PALM2AKAP2: variants seen among roughly 807,000 people sequenced by gnomAD.
The protein encoded by PALM2AKAP2 is PALM2 and AKAP2 fusion, also known as PALM2-AKAP2 fusion protein.
PALM2AKAP2 carries 37 observed loss-of-function variants against 71.5 expected under a neutral mutation model. The ratio of observed to expected loss-of-function variants is 0.52; its 90% CI spans 0.40 to 0.68. PALM2AKAP2 has a LOEUF of 0.68. Among genes scored for constraint, PALM2AKAP2 ranks in the 30% least tolerant of loss-of-function variants. PALM2AKAP2 has a pLI of 0.00. For missense variants in PALM2AKAP2, 1,224 were observed against 1,191.8 expected (o/e 1.03, Z -0.40); for synonymous variants, 468 against 478.8 (o/e 0.98, Z 0.29).
intron 6 of PALM2AKAP2, among the ~76,000 whole-genome samples, chr9:109,989,367 T>C (rs920290298): frequency 6.6e-6 from 1 of 152,156 alleles, no homozygotes; most frequent in Non-Finnish European, 1.5e-5. Flanking sequence ...CTCCAGAGGA[T>C]GGTGCAGTAA....
intron 2 of PALM2AKAP2, among the ~76,000 whole-genome samples, chr9:110,143,432 AGGAG>A (rs1836086317): frequency 6.7e-6 from 1 of 149,592 alleles, no homozygotes; most frequent in African/African-American, 2.5e-5. Flanking sequence ...AAAAAAAAAA[AGGAG>A]AGAGAGAGAA....
At position 110,137,765 on chromosome 9, in the gene PALM2AKAP2, AC is replaced by A; in HGVS notation, c.1797del (p.Asn600MetfsTer72). The stretch of plus-strand genomic sequence containing the variant: ...TGACAGCGGGGCATCCAATGAGACA[AC>A]CAATGCCCTCCAGGAAAATTCACTG... On this transcript the variant is annotated frameshift_variant, in exon 2 of 4. Transcript: ENST00000374525. LOFTEE classifies it high-confidence loss of function. 6.2e-7 allele frequency: 1 copy of A among 1,614,188 alleles called. No homozygotes were observed. Among genetic ancestry groups the A allele is most frequent in the Non-Finnish European group, 8.5e-7 (1 of 1,180,034 alleles).
chr9:109,813,559 G>T (rs563624399), intron 1 of PALM2AKAP2, among the ~76,000 whole-genome samples: 2 of 152,254 alleles, frequency 1.3e-5, no homozygotes, highest in African/African-American at 4.8e-5. Flanking sequence ...ATGAGAAATG[G>T]TAAGAAGATA....
At chr9:109,817,805 C>A (rs761691516) in intron 1 of PALM2AKAP2, among the ~76,000 whole-genome samples, 1 of 152,140 alleles carries the variant, frequency 6.6e-6, no homozygotes, top group Non-Finnish European at 1.5e-5. Context: ...ATGTTCCTGG[C>A]CCCCTCCCTC....
At position 109,880,620 on chromosome 9, in the gene PALM2AKAP2, AG is replaced by A. The variant is rs767420590; in HGVS notation, c.198del (p.Arg67GlyfsTer28). On this transcript the variant is annotated frameshift_variant, in exon 3 of 10. Coordinates refer to the PALM2AKAP2 transcript ENST00000302798. LOFTEE classifies it high-confidence loss of function. ...TGGAACTGCCGAAGAGGAGGAAGCC[AG>A]GAGGCGGCAGTCTGAAGAGGATGAG... The A allele has an allele frequency of 1.2e-6, 2 of 1,614,020 alleles. No individual in the cohort carries two copies. The highest frequency in any genetic ancestry group is 1.7e-6 in the Non-Finnish European group (2 of 1,180,004).
chr9:109,928,367 T>C (rs1564215066), intron 5 of PALM2AKAP2, among the ~76,000 whole-genome samples: 1 of 152,228 alleles, frequency 6.6e-6, no homozygotes, highest in Admixed American at 6.5e-5. Context: ...GGATTAGAAC[T>C]AAGAAGCAGC....
intron 1 of PALM2AKAP2, among the ~76,000 whole-genome samples, chr9:109,820,007 A>C (rs77702963): frequency 0.079 from 12,096 of 152,230 alleles, 749 homozygotes; most frequent in African/African-American, 0.16. Context: ...ATGGAATATG[A>C]TGCAGCAGTT....
At chr9:109,643,061 AAGAAAGAAAG>A (rs935193343) in intron 1 of PALM2AKAP2, among the ~76,000 whole-genome samples, 23 of 147,936 alleles carry the variant, frequency 1.6e-4, no homozygotes, top group East Asian at 7.9e-4. Flanking sequence ...GAAAAAGAGA[AAGAAAGAAAG>A]AGAAAGAAAG....
chr9:110,030,203 A>G (rs866815906), intron 7 of PALM2AKAP2, among the ~76,000 whole-genome samples: 1 of 152,160 alleles, frequency 6.6e-6, no homozygotes, highest in African/African-American at 2.4e-5. Context: ...GGAGATAGGA[A>G]GTGGGGGGAA....
chr9:109,709,586 C>T (rs1587876819), intron 1 of PALM2AKAP2, among the ~76,000 whole-genome samples: 1 of 152,168 alleles, frequency 6.6e-6, no homozygotes, highest in Non-Finnish European at 1.5e-5. Flanking sequence ...CATGTGTTGA[C>T]TTCACCAGGC....
chr9:109,744,546 T>A (rs1828770358), intron 1 of PALM2AKAP2, among the ~76,000 whole-genome samples: 1 of 152,210 alleles, frequency 6.6e-6, no homozygotes, highest in South Asian at 2.1e-4. Context: ...GACTATTTTA[T>A]GATTTCATAA....
At chr9:110,135,975 C>A (rs957006954) in intron 1 of PALM2AKAP2, 152 bp from the exon 8 acceptor site, 1 of 1,039,810 alleles carries the variant, frequency 9.6e-7, no homozygotes, top group African/African-American at 1.6e-5. Flanking sequence ...AGAAAATGAA[C>A]ATTTAAGGGA....
Position 109,898,255 on chromosome 9 carries a change from A to C in PALM2AKAP2, c.257+17574A>C, listed in dbSNP as rs1470430134. On this transcript the variant is annotated intron_variant, in intron 3 of 9. Transcript: ENST00000302798. ...TGCGCACCTGCCCCAGGTTATAGCA[A>C]CATCAAGGTCAAGCTCCCAATATTT... is the stretch of plus-strand genomic sequence containing the variant. Among the ~76,000 whole-genome samples, 4 of 152,232 alleles carry C rather than the reference A, an allele frequency of 2.6e-5. No individual in the cohort carries two copies. The East Asian group carries it at 7.7e-4, about 29-fold the overall frequency.
At chr9:109,814,062 C>G (rs1827791770) in intron 1 of PALM2AKAP2, among the ~76,000 whole-genome samples, 1 of 152,226 alleles carries the variant, frequency 6.6e-6, no homozygotes, top group African/African-American at 2.4e-5. Flanking sequence ...GCAAATACCA[C>G]TGCTGAGCTG....
intron 1 of PALM2AKAP2, among the ~76,000 whole-genome samples, chr9:109,649,507 A>T (rs1827197171): frequency 6.6e-6 from 1 of 152,210 alleles, no homozygotes; most frequent in Non-Finnish European, 1.5e-5. Context: ...TTTTAAAATA[A>T]AGAGTTCATG....
chr9:109,868,161 G>A (rs953424277), intron 2 of PALM2AKAP2, among the ~76,000 whole-genome samples: 6 of 152,052 alleles, frequency 3.9e-5, no homozygotes, highest in African/African-American at 7.2e-5. Flanking sequence ...TGACTCAGAC[G>A]GGTCTCCATG....
chr9:109,819,705 A>T (rs7046319), intron 1 of PALM2AKAP2, among the ~76,000 whole-genome samples: 1 of 140,614 alleles, frequency 7.1e-6, no homozygotes, highest in Non-Finnish European at 1.5e-5. Flanking sequence ...GTGTGTGTGT[A>T]TGTGTGTGTG....
chr9:109,668,037 C>T lies in PALM2AKAP2; in HGVS notation c.5+27171C>T, dbSNP rs866564933. On this transcript the variant is annotated intron_variant, in intron 1 of 6. Coordinates refer to the PALM2AKAP2 transcript ENST00000374531. Reference sequence around the variant, plus strand: ...CTGCAAGCTCTGCCTCCCGGATTCACGCCATTCTCCTGCCTCAGCCTCCCA... The same window carrying T: ...CTGCAAGCTCTGCCTCCCGGATTCATGCCATTCTCCTGCCTCAGCCTCCCA... Among the ~76,000 whole-genome samples the T allele has an allele frequency of 2.7e-3, 67 of 24,868 alleles. 18 individuals are homozygous for T. Among genetic ancestry groups the T allele is most frequent in the Non-Finnish European group, 3.9e-3 (54 of 13,948 alleles). 16.3% of individuals were successfully genotyped at this position (24,868 alleles called of 152,430 possible). A position where few individuals can be genotyped will look rare whatever the true frequency, so the allele number is the denominator to read the frequency against.
chr9:109,893,820 A>G (rs1830140184), intron 3 of PALM2AKAP2, among the ~76,000 whole-genome samples: 5 of 152,146 alleles, frequency 3.3e-5, no homozygotes, highest in Admixed American at 3.3e-4. Context: ...GACAACAAAC[A>G]CTGGGGCCAG....
Sources: gnomAD v4.1 joint callset for allele counts (sites outside exome capture counted in the v4.1 genomes callset) on GRCh38, gnomAD v4.1.1 for gene constraint, MANE v1.5 for transcripts, NCBI Gene and HGNC (gene_info 2026-07-23, HGNC 2026-07-21) for gene names.